The following ZFP37 variants were observed in gnomAD, a reference collection of about 807,000 sequenced individuals.
ZFP37 encodes ZFP37 zinc finger protein.
A neutral mutation model predicts 52.1 loss-of-function variants in ZFP37; 38 were observed. The ratio of observed to expected loss-of-function variants is 0.73; its 90% CI spans 0.56 to 0.96. The LOEUF is 0.96. Among genes scored for constraint, ZFP37 ranks in the 40% least tolerant of loss-of-function variants. The probability of loss-of-function intolerance (pLI) is 0.00; values close to 1 mark genes in which losing one functional copy is unlikely to be tolerated. For missense variants in ZFP37, 695 were observed against 741.4 expected (o/e 0.94, Z 0.73); for synonymous variants, 253 against 259.5 (o/e 0.98, Z 0.24).
At chr9:113,053,906 T>C (rs940097070) in intron 1 of ZFP37, among the ~76,000 whole-genome samples, 5 of 152,214 alleles carry the variant, frequency 3.3e-5, no homozygotes, top group African/African-American at 1.2e-4. Flanking sequence ...TCCCTTTTAT[T>C]TGGGTCATTC....
rs1829076017 is a variant in ZFP37 at position 113,052,595 on chromosome 9, C to T, written c.133-2723G>A. On this transcript the variant is annotated intron_variant, in intron 1 of 3. Coordinates refer to ENST00000374227, the MANE Select transcript of ZFP37 (RefSeq NM_003408.3). This position sits in a 1 kb window ranked among gnomAD's most constrained non-coding sequence, Gnocchi z 4.1. Reference sequence around the variant, plus strand: ...GTCATATAAAACATGCTTAATTCCTCTGGAAATGAGTTATAATAACATGTA... The same window carrying T: ...GTCATATAAAACATGCTTAATTCCTTTGGAAATGAGTTATAATAACATGTA... Among the ~76,000 whole-genome samples, 1 of 152,174 alleles carries T rather than the reference C, an allele frequency of 6.6e-6. No homozygotes were observed. Among genetic ancestry groups the T allele is most frequent in the East Asian group, 1.9e-4 (1 of 5,196 alleles).
chr9:113,046,619 T>C (rs1002645732), intron 3 of ZFP37, among the ~76,000 whole-genome samples: 26 of 152,112 alleles, frequency 1.7e-4, no homozygotes, highest in Non-Finnish European at 4.4e-5. Flanking sequence ...ACGAGTAAAT[T>C]GGTATAGTAA....
At chr9:113,056,521 G>A in intron 1 of ZFP37, 36 bp downstream of exon 1, 1 of 1,607,520 alleles carries the variant, frequency 6.2e-7, no homozygotes, top group Non-Finnish European at 8.5e-7. Context: ...CACCATCTCT[G>A]ACCGCCAAAA....
intron 3 of ZFP37, among the ~76,000 whole-genome samples, chr9:113,044,633 T>C (rs978856930): frequency 6.6e-6 from 1 of 152,106 alleles, no homozygotes; most frequent in Non-Finnish European, 1.5e-5. Context: ...CCAGTTCTGA[T>C]AACTCCCAAG....
rs1242766828 is a variant in ZFP37, at chr9:113,040,061, CG to C, written c.*2663del. 1.2e-4 allele frequency: 18 copies of C among 152,202 alleles called. No homozygotes were observed. The highest frequency in any genetic ancestry group is 1.2e-3 in the Admixed American group (18 of 15,278). The allele number at this position is 152,202 out of a possible 1,614,324, so 9.4% of individuals were successfully genotyped here. ...CAATTTTTATGCACACTAGAGTTTA[CG>C]TATCGATTCAGACTTACCACTGTGT... On this transcript the variant is annotated 3_prime_UTR_variant, in exon 4 of 4. Coordinates refer to ENST00000374227, the MANE Select transcript of ZFP37 (RefSeq NM_003408.3).
At chr9:113,047,492 C>T (rs1321771576) in intron 3 of ZFP37, among the ~76,000 whole-genome samples, 3 of 151,964 alleles carry the variant, frequency 2.0e-5, no homozygotes, top group Non-Finnish European at 4.4e-5. Flanking sequence ...TGGCTCACAC[C>T]TGTAATCCCA....
intron 1 of ZFP37, among the ~76,000 whole-genome samples, chr9:113,050,883 A>C (rs1179366680): frequency 6.7e-6 from 1 of 148,632 alleles, no homozygotes; most frequent in Non-Finnish European, 1.5e-5. Context: ...GGCAACAGAG[A>C]CTCCATCTCA....
At chr9:113,049,939 C>T in intron 1 of ZFP37, 67 bp from the exon 2 acceptor site, 3 of 1,607,450 alleles carry the variant, frequency 1.9e-6, no homozygotes, top group Non-Finnish European at 2.5e-6. Context: ...TATTCCTGTT[C>T]ATGCTAATGT....
rs754671458 is a variant in ZFP37 at position 113,049,374 on chromosome 9, C to G, written c.337G>C (p.Glu113Gln). The change falls in exon 3 of 4, where the codon GAA becomes CAA. Residue 113 changes from glutamate (E) to glutamine (Q), a missense_variant. By Grantham distance (29) the Glu-to-Gln change is conservative. Coordinates refer to ENST00000374227, the MANE Select transcript of ZFP37 (RefSeq NM_003408.3). The part of the protein sequence containing the change: ...PSKIARPKQK[E>Q]TDGKVQKDDD... Reference sequence around the variant, plus strand: ...AGTTACAACTTACTTCCATCAGTTTCTTTTTGCTTGGGTCTTGCTATTTTA... The same window carrying G: ...AGTTACAACTTACTTCCATCAGTTTGTTTTTGCTTGGGTCTTGCTATTTTA... 6.2e-7 allele frequency: 1 copy of G among 1,612,450 alleles called. No individual in the cohort carries two copies. Among genetic ancestry groups the G allele is most frequent in the Admixed American group, 1.7e-5 (1 of 59,654 alleles).
Position 113,040,605 on chromosome 9 carries a change from G to GAATGATA in ZFP37, c.*2113_*2119dup, listed in dbSNP as rs1358956402. 1 of 152,182 alleles carries GAATGATA rather than the reference G, an allele frequency of 6.6e-6. No individual in the cohort carries two copies. The highest frequency in any genetic ancestry group is 2.4e-5 in the African/African-American group (1 of 41,438). 9.4% of individuals were successfully genotyped at this position (152,182 alleles called of 1,614,324 possible). ...AATGAGGTCAGGAAGGAAGGAGCTT[G>GAATGATA]AATGATAAATATTTGTAAAGATGGC... On this transcript the variant is annotated 3_prime_UTR_variant, in exon 4 of 4. Transcript: ENST00000374227.
intron 3 of ZFP37, among the ~76,000 whole-genome samples, chr9:113,046,241 TAGAC>T (rs1828950984): frequency 7.3e-6 from 1 of 136,174 alleles, no homozygotes; most frequent in African/African-American, 2.7e-5. Context: ...TATATATATA[TAGAC>T]AGATAAATAT....
At position 113,043,822 on chromosome 9, in the gene ZFP37, G is replaced by A. The variant is rs1280633751; in HGVS notation, c.796C>T (p.Gln266Ter). The change falls in exon 4 of 4, where the codon CAA becomes TAA. Residue 266 changes from glutamine to a stop codon, truncating the protein, a stop_gained. Coordinates refer to ENST00000374227, the MANE Select transcript of ZFP37 (RefSeq NM_003408.3). LOFTEE classifies it high-confidence loss of function. ...GATTTCTCATGTTTCTCTCCAGTTT[G>A]AATTTTGTCCTGTTTAATATGGGAT... ...SSSHIKQDKIQTGEKHEKSPS... is the reference protein window; with the variant it reads ...SSSHIKQDKI 6.2e-7 allele frequency: 1 copy of A among 1,613,964 alleles called. No homozygotes were observed. Among genetic ancestry groups the A allele is most frequent in the South Asian group, 1.1e-5 (1 of 91,066 alleles).
intron 3 of ZFP37, among the ~76,000 whole-genome samples, chr9:113,048,077 G>GTAC (rs1828990554): frequency 6.6e-6 from 1 of 152,202 alleles, no homozygotes; most frequent in Non-Finnish European, 1.5e-5. Context: ...TAGAAGATAA[G>GTAC]ATCTGATTCA....
chr9:113,044,355 G>T, intron 3 of ZFP37, 87 bp from the exon 4 acceptor site: 2 of 1,277,074 alleles, frequency 1.6e-6, no homozygotes, highest in Non-Finnish European at 2.1e-6. Flanking sequence ...ACCTGTTGTA[G>T]GGTTAAATTT....
At chr9:113,047,187 A>ATTGT (rs1290182298) in intron 3 of ZFP37, among the ~76,000 whole-genome samples, 5 of 152,050 alleles carry the variant, frequency 3.3e-5, no homozygotes, top group South Asian at 2.1e-4. Context: ...GTGACTCAGG[A>ATTGT]TTGTTTTTTA....
rs144129779 is a variant in ZFP37, at chr9:113,056,620, T to C, written c.69A>G (p.Glu23=). The change falls in exon 1 of 4, where the codon GAA becomes GAG. Residue 23 remains glutamate, a synonymous_variant. Transcript: ENST00000374227. ...GTGGTCGCCCGGCCTCTTTGGTCGTTTCCGCACTTCTCCTCCGGTCCACGG... is the reference window on the plus strand; with the variant it reads ...GTGGTCGCCCGGCCTCTTTGGTCGTCTCCGCACTTCTCCTCCGGTCCACGG... ...PETVDRRRSA[E]TTKEAGRPLE... The C allele has an allele frequency of 2.2e-4, 354 of 1,613,926 alleles. 1 individual carries two copies. Among genetic ancestry groups the C allele is most frequent in the Non-Finnish European group, 3.0e-4 (349 of 1,180,010 alleles).
chr9:113,049,212 T>C, intron 3 of ZFP37, 150 bp downstream of exon 3: 1 of 901,582 alleles, frequency 1.1e-6, no homozygotes, highest in Non-Finnish European at 1.6e-6. Flanking sequence ...TCTCTCAGGT[T>C]ACAGAATCTT....
chr9:113,045,510 G>A (rs911777104), intron 3 of ZFP37, among the ~76,000 whole-genome samples: 4 of 152,070 alleles, frequency 2.6e-5, no homozygotes, highest in South Asian at 2.1e-4. Context: ...TAAATTTTAA[G>A]TTTATTCCCA....
rs1180698050 is a variant in ZFP37, at chr9:113,039,607, A to G, written c.*3118T>C. ...GCCATCCAGTGATCTGTTATACTTT[A>G]TATTGTAGTTGTTTATTTATTACCT... On this transcript the variant is annotated 3_prime_UTR_variant, in exon 4 of 4. Transcript: ENST00000374227. 1 of 151,910 alleles carries G rather than the reference A, an allele frequency of 6.6e-6. No individual in the cohort carries two copies. The highest frequency in any genetic ancestry group is 2.4e-5 in the African/African-American group (1 of 41,336). 9.4% of individuals were successfully genotyped at this position (151,910 alleles called of 1,614,324 possible).
Sources: gnomAD v4.1 joint callset for allele counts (sites outside exome capture counted in the v4.1 genomes callset) on GRCh38, gnomAD v4.1.1 for gene constraint, Gnocchi (gnomAD v3.1) non-coding constraint, MANE v1.5 for transcripts, NCBI Gene and HGNC (gene_info 2026-07-23, HGNC 2026-07-21) for gene names.